The following SCTR variants were observed in gnomAD, a reference collection of about 807,000 sequenced individuals.
SCTR encodes the protein secretin receptor, also known as pancreatic secretin receptor.
In SCTR, 56 loss-of-function variants were observed where a neutral mutation model predicts 60.8. That is an observed-to-expected ratio of 0.92 (90% confidence interval 0.74 to 1.15). SCTR has a LOEUF of 1.15. Ranked by LOEUF, SCTR falls within the 50% of genes most tolerant of loss-of-function variation. The pLI, the probability that SCTR is intolerant of heterozygous loss-of-function variation, is 0.00. For synonymous variants in SCTR, 202 were observed against 217.0 expected (o/e 0.93, Z 0.61); for missense variants, 562 against 550.4 (o/e 1.02, Z -0.21).
intron 2 of SCTR, among the ~76,000 whole-genome samples, chr2:119,488,870 C>G (rs1678001746): frequency 6.6e-6 from 1 of 152,212 alleles, no homozygotes; most frequent in Non-Finnish European, 1.5e-5. Flanking sequence ...GGAGAATCCT[C>G]TAGCCCAAGA....
At chr2:119,505,718 A>AG (rs972980391) in intron 1 of SCTR, among the ~76,000 whole-genome samples, 1 of 116,704 alleles carries the variant, frequency 8.6e-6, no homozygotes, top group African/African-American at 3.3e-5. Flanking sequence ...GGGTGGCGGG[A>AG]GGGGGGAGGG....
chr2:119,501,482 G>A (rs1044910188), intron 1 of SCTR, among the ~76,000 whole-genome samples: 1 of 152,142 alleles, frequency 6.6e-6, no homozygotes, highest in Non-Finnish European at 1.5e-5. Context: ...AAGGGTGGGG[G>A]AGGAAAGGAT....
chr2:119,480,340 G>T (rs1197149627), intron 2 of SCTR, among the ~76,000 whole-genome samples: 1 of 152,134 alleles, frequency 6.6e-6, no homozygotes, highest in Admixed American at 6.6e-5. Context: ...CATGGCGGTG[G>T]GCAGGAGGAC....
intron 11 of SCTR, among the ~76,000 whole-genome samples, chr2:119,443,011 G>A (rs1158729772): frequency 6.6e-6 from 1 of 152,152 alleles, no homozygotes; most frequent in Non-Finnish European, 1.5e-5. Context: ...CGAGGGAACT[G>A]AGGCACGGAG....
chr2:119,441,879 G>A (rs777676757), intron 11 of SCTR, among the ~76,000 whole-genome samples: 5 of 152,180 alleles, frequency 3.3e-5, no homozygotes, highest in South Asian at 2.1e-4. Context: ...CCAGCCAGCC[G>A]GGATCAGGAA....
chr2:119,505,224 T>C (rs868699855), intron 1 of SCTR, among the ~76,000 whole-genome samples: 2 of 150,638 alleles, frequency 1.3e-5, no homozygotes, highest in South Asian at 2.1e-4. Context: ...TAAAGACACA[T>C]GCACACATAT....
intron 2 of SCTR, among the ~76,000 whole-genome samples, chr2:119,488,573 C>T (rs563018455): frequency 9.2e-5 from 14 of 152,294 alleles, no homozygotes; most frequent in African/African-American, 7.2e-5. Flanking sequence ...GAGACATGGA[C>T]GTGGGTGCAA....
At position 119,439,855 on chromosome 2, in the gene SCTR, C is replaced by T. The variant is rs1282207943; in HGVS notation, c.*262G>A. On this transcript the variant is annotated 3_prime_UTR_variant, in exon 13 of 13. Coordinates refer to ENST00000019103, the MANE Select transcript of SCTR (RefSeq NM_002980.3). ...GGACAAATATAGATTGAATCTCATC[C>T]CAGGCACCATTTATTTCCCTGTCCC... 2 of 461,830 alleles carry T rather than the reference C, an allele frequency of 4.3e-6. No individual in the cohort carries two copies. The highest frequency in any genetic ancestry group is 7.7e-6 in the Non-Finnish European group (2 of 258,860). 28.6% of individuals were successfully genotyped at this position (461,830 alleles called of 1,614,324 possible). A position where few individuals can be genotyped will look rare whatever the true frequency, so the allele number is the denominator to read the frequency against.
chr2:119,474,175 C>T (rs908405721), intron 3 of SCTR, among the ~76,000 whole-genome samples: 6 of 152,192 alleles, frequency 3.9e-5, no homozygotes, highest in South Asian at 2.1e-4. Flanking sequence ...GGCACGAGGA[C>T]GCATGCTGGG....
Position 119,450,040 on chromosome 2 carries a change from G to GAAGAAAGAAAAAAGAAAGAAA in SCTR, c.922-1281_922-1261dup, listed in dbSNP as rs1553459803. Among the ~76,000 whole-genome samples, 784 of 137,916 alleles carry GAAGAAAGAAAAAAGAAAGAAA rather than the reference G, an allele frequency of 5.7e-3. 15 individuals carry two copies. Among genetic ancestry groups the GAAGAAAGAAAAAAGAAAGAAA allele is most frequent in the African/African-American group, 0.022 (741 of 34,400 alleles). 90.5% of individuals were successfully genotyped at this position (137,916 alleles called of 152,430 possible). On this transcript the variant is annotated intron_variant, in intron 9 of 12. Transcript: ENST00000019103. ...GGAAGGAAGGCAGGAAGGAAGGAAG[G>GAAGAAAGAAAAAAGAAAGAAA]AAGAAAGAAAAAAGAAAGAAAAAGA...
intron 2 of SCTR, among the ~76,000 whole-genome samples, chr2:119,482,046 C>T (rs966200361): frequency 6.6e-6 from 1 of 152,224 alleles, no homozygotes; most frequent in Admixed American, 6.5e-5. Context: ...CCAGAAGTGG[C>T]TTCCCAGGCC....
In SCTR at chr2:119,461,983, GACCA is replaced by G; in HGVS notation, c.650_653del (p.Leu217ProfsTer85). 1 of 1,606,102 alleles carries G rather than the reference GACCA, an allele frequency of 6.2e-7. No individual in the cohort carries two copies. On this transcript the variant is annotated frameshift_variant, in exon 7 of 13. Transcript: ENST00000019103. LOFTEE classifies it high-confidence loss of function. ...TGATGCAGTACTGGAACAGCACCAT[GACCA>G]GCTTGCAGCCCGCCTGGAGAGAGAG...
chr2:119,463,069 A>C (rs1240186729), intron 6 of SCTR, among the ~76,000 whole-genome samples: 1 of 137,426 alleles, frequency 7.3e-6, no homozygotes, highest in Non-Finnish European at 1.5e-5. Context: ...AAATACACAC[A>C]CACACACACA....
intron 10 of SCTR, among the ~76,000 whole-genome samples, chr2:119,447,125 C>A (rs1158758268): frequency 1.3e-5 from 2 of 148,486 alleles, no homozygotes; most frequent in East Asian, 4.3e-4. Flanking sequence ...CATGCACCTC[C>A]ATCAGTAAAA....
chr2:119,443,822 C>A (rs960514717), intron 11 of SCTR, among the ~76,000 whole-genome samples: 16 of 152,250 alleles, frequency 1.1e-4, no homozygotes, highest in African/African-American at 3.9e-4. Flanking sequence ...GCTAGGATTA[C>A]AGGCGTGAGC....
At chr2:119,473,944 A>G (rs1262017088) in intron 3 of SCTR, among the ~76,000 whole-genome samples, 1 of 152,140 alleles carries the variant, frequency 6.6e-6, no homozygotes, top group Non-Finnish European at 1.5e-5. Flanking sequence ...ATCCTGCTCC[A>G]TGGAAGTTCT....
chr2:119,463,976 T>G, intron 6 of SCTR, 147 bp downstream of exon 6: 3 of 811,036 alleles, frequency 3.7e-6, no homozygotes, highest in Non-Finnish European at 6.2e-6. Flanking sequence ...CCTGGCCCAG[T>G]GTCAGCACTG....
chr2:119,446,789 C>T lies in SCTR; in HGVS notation c.1110G>A (p.Leu370=). The T allele has an allele frequency of 6.4e-7, 1 of 1,564,772 alleles. No individual in the cohort carries two copies. Among genetic ancestry groups the T allele is most frequent in the South Asian group, 1.2e-5 (1 of 83,576 alleles). Residue 370 remains leucine, a synonymous_variant, in exon 11 of 13, where the codon CTG becomes CTA. Transcript: ENST00000019103. ...FSPEDAMEIQ[L]FFELALGSFQ... ...ATGAGCCAAGGGCTAGTTCAAAAAA[C>T]AGCTGGATCTCCATAGCGTCCTCTG... is the stretch of plus-strand genomic sequence containing the variant.
At chr2:119,441,101 T>A (rs1047118538) in intron 12 of SCTR, among the ~76,000 whole-genome samples, 5 of 152,136 alleles carry the variant, frequency 3.3e-5, no homozygotes, top group African/African-American at 4.8e-5. Context: ...CCCTAAGGAT[T>A]GAGCTGCAGA....
Sources: allele counts gnomAD v4.1 joint callset (sites outside exome capture counted in the v4.1 genomes callset), GRCh38; gene constraint gnomAD v4.1.1; transcripts MANE v1.5; gene names NCBI Gene and HGNC (gene_info 2026-07-23, HGNC 2026-07-21).